DCDC2: variants seen among roughly 807,000 people sequenced by gnomAD.
DCDC2 encodes doublecortin domain containing 2, also known as doublecortin domain-containing protein 2.
A neutral mutation model predicts 50.2 loss-of-function variants in DCDC2; 40 were observed. That is an observed-to-expected ratio of 0.80 (90% CI 0.62 to 1.04). The LOEUF is 1.04. Among genes scored for constraint, DCDC2 ranks in the 50% least tolerant of loss-of-function variants. The pLI, the probability that DCDC2 is intolerant of heterozygous loss-of-function variation, is 0.00. For missense variants in DCDC2, 570 were observed against 581.9 expected (o/e 0.98, Z 0.21); for synonymous variants, 234 against 210.6 (o/e 1.11, Z -0.96).
At chr6:24,285,918 T>G (rs1763596811) in intron 6 of DCDC2, among the ~76,000 whole-genome samples, 1 of 152,142 alleles carries the variant, frequency 6.6e-6, no homozygotes, top group South Asian at 2.1e-4. Flanking sequence ...AGCTGCACTG[T>G]GAGAATTAAT....
intron 7 of DCDC2, among the ~76,000 whole-genome samples, chr6:24,270,370 T>C (rs1763212175): frequency 6.6e-6 from 1 of 152,234 alleles, no homozygotes; most frequent in South Asian, 2.1e-4. Flanking sequence ...CAAGATGTTC[T>C]AAAGCATGGG....
At chr6:24,313,412 GTCTTT>G (rs1464541898) in intron 2 of DCDC2, among the ~76,000 whole-genome samples, 2 of 152,106 alleles carry the variant, frequency 1.3e-5, no homozygotes, top group African/African-American at 4.8e-5. Context: ...GGGATTGTTT[GTCTTT>G]TCTTTTGTAT....
chr6:24,277,940 A>T, intron 7 of DCDC2, 109 bp downstream of exon 7: 4 of 882,868 alleles, frequency 4.5e-6, no homozygotes, highest in Non-Finnish European at 6.6e-6. Flanking sequence ...TTCTTTGAAA[A>T]CTCTCATATA....
chr6:24,366,771 A>T, the DCDC2 span, among the ~76,000 whole-genome samples: 378 of 152,286 alleles, frequency 2.5e-3, 3 homozygotes, highest in African/African-American at 8.7e-3. Context: ...TTCTGACAAC[A>T]TGGTGAGCTA....
chr6:24,218,347 T>C (rs1360942728), intron 7 of DCDC2, among the ~76,000 whole-genome samples: 1 of 152,220 alleles, frequency 6.6e-6, no homozygotes, highest in Admixed American at 6.5e-5. Context: ...TTAAGGTTGC[T>C]CCAACAACAG....
In DCDC2 at chr6:24,199,663, T is replaced by G. The variant is rs781124401; in HGVS notation, c.1023+5339A>C. 1.5e-3 allele frequency among the ~76,000 whole-genome samples: 225 copies of G among 152,134 alleles called. 2 individuals carry two copies. The highest frequency in any genetic ancestry group is 6.9e-4 in the Non-Finnish European group (47 of 68,002). On this transcript the variant is annotated intron_variant, in intron 8 of 9. Coordinates refer to ENST00000378454, the MANE Select transcript of DCDC2 (RefSeq NM_016356.5). ...GAACAAAACTGGATGGAGAATGAGT[T>G]TGATGAATTGACAGAAGCAGGCTTC...
In DCDC2 at chr6:24,210,067, TCTGTCTGC is replaced by T. The variant is rs1284581318; in HGVS notation, c.923-4973_923-4966del. 4.0e-3 allele frequency among the ~76,000 whole-genome samples: 572 copies of T among 142,112 alleles called. 1 individual carries two copies. The highest frequency in any genetic ancestry group is 0.014 in the African/African-American group (517 of 37,182). 93.2% of individuals were successfully genotyped at this position (142,112 alleles called of 152,430 possible). A position where few individuals can be genotyped will look rare whatever the true frequency, so the allele number is the denominator to read the frequency against. ...GTGTGTGTGTGTGTCTGTCTGTCTG[TCTGTCTGC>T]CTGCCTGCCTGTCTGTCTTCACCCT... On this transcript the variant is annotated intron_variant, in intron 7 of 9. Coordinates refer to ENST00000378454, the MANE Select transcript of DCDC2 (RefSeq NM_016356.5).
rs143824437 is a variant in DCDC2, at chr6:24,225,288, G to A, written c.923-20186C>T. ...TACGATGATAATGAAGCTGTCAGAA[G>A]TAACTCCTGAGCACCTGCAACATGT... On this transcript the variant is annotated intron_variant, in intron 7 of 9. Coordinates refer to ENST00000378454, the MANE Select transcript of DCDC2 (RefSeq NM_016356.5). 1.2e-4 allele frequency among the ~76,000 whole-genome samples: 18 copies of A among 152,314 alleles called. No individual in the cohort carries two copies. The South Asian group carries it at 2.7e-3, about 23-fold the overall frequency.
chr6:24,196,085 G>C (rs989902494), intron 8 of DCDC2, among the ~76,000 whole-genome samples: 1 of 152,164 alleles, frequency 6.6e-6, no homozygotes, highest in Non-Finnish European at 1.5e-5. Context: ...CAGGAAAACA[G>C]TCCAAAGACA....
At chr6:24,237,970 C>G (rs146576940) in intron 7 of DCDC2, among the ~76,000 whole-genome samples, 552 of 150,580 alleles carry the variant, frequency 3.7e-3, no homozygotes, top group Non-Finnish European at 5.0e-3. Flanking sequence ...CTATTGGGTA[C>G]TATACTTACT....
the DCDC2 span, among the ~76,000 whole-genome samples, chr6:24,380,211 A>T: frequency 2.6e-5 from 4 of 152,106 alleles, no homozygotes; most frequent in Admixed American, 1.3e-4. Context: ...AAGTCAACCA[A>T]GGTTAGGATG....
chr6:24,348,184 AG>A (rs1760302614), intron 2 of DCDC2, among the ~76,000 whole-genome samples: 1 of 152,196 alleles, frequency 6.6e-6, no homozygotes, highest in Admixed American at 6.5e-5. Context: ...AAGAGGCAGG[AG>A]GGTTTGTAGG....
chr6:24,197,855 G>A (rs115738635), intron 8 of DCDC2, among the ~76,000 whole-genome samples: 2,765 of 152,238 alleles, frequency 0.018, 46 homozygotes, highest in Middle Eastern at 0.051. Flanking sequence ...CTGAGTCTGG[G>A]ATTATCATTT....
intron 7 of DCDC2, among the ~76,000 whole-genome samples, chr6:24,271,207 C>CAAAAAA (rs543819229): frequency 0.03 from 1,190 of 39,286 alleles, 190 homozygotes; most frequent in South Asian, 0.04. Context: ...GACACTCCCT[C>CAAAAAA]AAAAAAAAAA....
chr6:24,231,057 G>A (rs967838071), intron 7 of DCDC2, among the ~76,000 whole-genome samples: 5 of 151,446 alleles, frequency 3.3e-5, no homozygotes, highest in African/African-American at 9.7e-5. Context: ...GAAGGCCCAC[G>A]TTGTCTGCCC....
chr6:24,183,777 G>A (rs1247806102), intron 8 of DCDC2, among the ~76,000 whole-genome samples: 2 of 152,174 alleles, frequency 1.3e-5, no homozygotes, highest in African/African-American at 4.8e-5. Context: ...AGAGCGCAGA[G>A]CAGAGCACAA....
intron 8 of DCDC2, among the ~76,000 whole-genome samples, chr6:24,195,271 C>T (rs754381050): frequency 2.0e-5 from 3 of 152,176 alleles, no homozygotes; most frequent in Admixed American, 2.0e-4. Flanking sequence ...GCACCCAAGA[C>T]CCAATTCCCA....
rs141060456 is a variant in DCDC2, at chr6:24,301,729, G to T, written c.543C>A (p.Ser181Arg). 419 of 1,614,036 alleles carry T rather than the reference G, an allele frequency of 2.6e-4. 1 individual carries two copies. In the African/African-American group the frequency reaches 4.9e-3, roughly 19 times the overall value. The change falls in exon 4 of 10, where the codon AGC (serine) becomes AGA (arginine). Residue 181 changes from serine (S) to arginine (R), a missense_variant. Coordinates refer to ENST00000378454, the MANE Select transcript of DCDC2 (RefSeq NM_016356.5). ...TTTTGACATACCTGTGAACAGCCCC[G>T]CTCCTCAGAGTGATTTTTTCTGTGA... is the stretch of plus-strand genomic sequence containing the variant. The part of the protein sequence containing the change: ...QMVTEKITLR[S>R]GAVHRLYTLE...
chr6:24,242,947 G>A (rs1184686439), intron 7 of DCDC2, among the ~76,000 whole-genome samples: 2 of 135,836 alleles, frequency 1.5e-5, no homozygotes, highest in Non-Finnish European at 3.2e-5. Context: ...GGGAAACAGA[G>A]CAAGATCTCA....
Sources: gnomAD v4.1 joint callset for allele counts (sites outside exome capture counted in the v4.1 genomes callset) on GRCh38, gnomAD v4.1.1 for gene constraint, MANE v1.5 for transcripts, NCBI Gene and HGNC (gene_info 2026-07-23, HGNC 2026-07-21) for gene names.